Variants in MUSK observed in about 807,000 individuals in gnomAD.
The protein encoded by MUSK is muscle associated receptor tyrosine kinase.
MUSK carries 55 observed loss-of-function variants against 88.7 expected under a neutral mutation model. That is an observed-to-expected ratio of 0.62 (90% CI 0.50 to 0.78). MUSK has a LOEUF of 0.78. Ranked by LOEUF, MUSK falls within the 30% of genes least tolerant of loss-of-function variation. The probability of loss-of-function intolerance (pLI) is 0.00; values close to 1 mark genes in which losing one functional copy is unlikely to be tolerated. For synonymous variants in MUSK, 387 were observed against 391.9 expected (o/e 0.99, Z 0.15); for missense variants, 1,015 against 1,074.3 (o/e 0.94, Z 0.77).
intron 5 of MUSK, among the ~76,000 whole-genome samples, chr9:110,725,172 T>C (rs1019369336): frequency 6.6e-6 from 1 of 152,042 alleles, no homozygotes; most frequent in Non-Finnish European, 1.5e-5. Context: ...CCAAACATTG[T>C]ATGTTTTCAT....
chr9:110,770,668 C>G (rs2077560382), intron 9 of MUSK, among the ~76,000 whole-genome samples: 1 of 151,108 alleles, frequency 6.6e-6, no homozygotes, highest in Admixed American at 6.6e-5. Flanking sequence ...TGAGTATTCT[C>G]ATTTAGGAGT....
intron 2 of MUSK, among the ~76,000 whole-genome samples, chr9:110,683,070 T>A (rs1377848256): frequency 7.0e-6 from 1 of 142,796 alleles, no homozygotes; most frequent in African/African-American, 2.9e-5. Flanking sequence ...AGTAGGACTT[T>A]TTCATTCTTT....
intron 3 of MUSK, among the ~76,000 whole-genome samples, chr9:110,688,908 T>TTTG (rs2076235702): frequency 1.4e-5 from 2 of 147,496 alleles, no homozygotes; most frequent in South Asian, 4.2e-4. Flanking sequence ...TTATTGTTTT[T>TTTG]TTGTTATATA....
chr9:110,689,004 A>G (rs1157298932), intron 3 of MUSK, among the ~76,000 whole-genome samples: 1 of 143,968 alleles, frequency 6.9e-6, no homozygotes, highest in Non-Finnish European at 1.5e-5. Flanking sequence ...ACTTAAATAT[A>G]TAAAAACATA....
intron 13 of MUSK, 106 bp from the exon 14 acceptor site, chr9:110,787,584 C>G (rs895833529): frequency 1.7e-6 from 2 of 1,159,240 alleles, no homozygotes; most frequent in Admixed American, 5.7e-5. Context: ...GAGACTTAAC[C>G]AGCCTTTTAC....
At chr9:110,768,870 T>C (rs1039959240) in intron 9 of MUSK, among the ~76,000 whole-genome samples, 2 of 152,336 alleles carry the variant, frequency 1.3e-5, no homozygotes, top group South Asian at 2.1e-4. Flanking sequence ...AGATTATAAA[T>C]AGATATTTTG....
At chr9:110,711,298 G>A (rs1420720223) in intron 5 of MUSK, among the ~76,000 whole-genome samples, 1 of 152,142 alleles carries the variant, frequency 6.6e-6, no homozygotes, top group Admixed American at 6.5e-5. Flanking sequence ...TGTGAACAAT[G>A]GCTGCAGAGG....
At chr9:110,675,562 C>CTTTTTTTTTT (rs10607243) in intron 1 of MUSK, among the ~76,000 whole-genome samples, 1 of 61,614 alleles carries the variant, frequency 1.6e-5, no homozygotes, top group Non-Finnish European at 2.8e-5. Context: ...ATAGTCTTCC[C>CTTTTTTTTTT]TTTTTTTTTT....
At position 110,798,314 on chromosome 9, in the gene MUSK, TC is replaced by T. The variant is rs1255841913; in HGVS notation, c.1928-1989del. ...ACATGTTCGTATCTTAAAAATTGTTTCCCTTTTATTGAAATCCTAGTGGATA... is the reference window on the plus strand; with the variant it reads ...ACATGTTCGTATCTTAAAAATTGTTTCCTTTTATTGAAATCCTAGTGGATA... On this transcript the variant is annotated intron_variant, in intron 14 of 14. Coordinates refer to ENST00000374448, the MANE Select transcript of MUSK (RefSeq NM_005592.4). 2.0e-5 allele frequency among the ~76,000 whole-genome samples: 3 copies of T among 152,226 alleles called. No individual in the cohort carries two copies. The South Asian group carries it at 6.2e-4, about 31-fold the overall frequency.
chr9:110,805,907 G>T lies in MUSK; in HGVS notation c.*4919G>T, dbSNP rs1378418645. ...GAGTTTTGTATTGGCATTAGCATTT[G>T]TATTAGCATTGTATTAGGAAAAACT... On this transcript the variant is annotated 3_prime_UTR_variant, in exon 15 of 15. Transcript: ENST00000374448. Among the ~76,000 whole-genome samples the T allele has an allele frequency of 6.6e-6, 1 of 151,738 alleles. No individual in the cohort carries two copies. The highest frequency in any genetic ancestry group is 1.5e-5 in the Non-Finnish European group (1 of 67,846).
chr9:110,687,108 G>T lies in MUSK; in HGVS notation c.207-9G>T. ...GCACTAATCTGTCATTTTTTTCTGT[G>T]ACCTGCAGACTCTTTGACACCCGGT... On this transcript the variant is annotated splice_polypyrimidine_tract_variant and intron_variant, in intron 2 of 14. Coordinates refer to ENST00000374448, the MANE Select transcript of MUSK (RefSeq NM_005592.4). 1 of 1,603,506 alleles carries T rather than the reference G, an allele frequency of 6.2e-7. No homozygotes were observed. Among genetic ancestry groups the T allele is most frequent in the South Asian group, 1.1e-5 (1 of 89,382 alleles).
chr9:110,701,652 ATT>A (rs34680244), intron 5 of MUSK, among the ~76,000 whole-genome samples: 2,707 of 10,776 alleles, frequency 0.25, 1,132 homozygotes, highest in African/African-American at 0.72. Context: ...GTGCTCAGCT[ATT>A]TATTTTATTT....
chr9:110,775,985 A>G, intron 10 of MUSK, 22 bp downstream of exon 10: 1 of 1,569,552 alleles, frequency 6.4e-7, no homozygotes, highest in Non-Finnish European at 8.6e-7. Flanking sequence ...TTCTCCCAAG[A>G]CTTTGGAGGT....
chr9:110,745,251 A>T (rs1317211934), intron 6 of MUSK, among the ~76,000 whole-genome samples: 2 of 152,146 alleles, frequency 1.3e-5, no homozygotes, highest in Admixed American at 1.3e-4. Context: ...CCTACTAAGG[A>T]TGTTTTCAGT....
rs2076104985 is a variant in MUSK at position 110,681,016 on chromosome 9, TATA to T, written c.80-1657_80-1655del. 8.5e-5 allele frequency among the ~76,000 whole-genome samples: 2 copies of T among 23,474 alleles called. 1 individual carries two copies. The highest frequency in any genetic ancestry group is 1.4e-4 in the Non-Finnish European group (2 of 14,158). 15.4% of individuals were successfully genotyped at this position (23,474 alleles called of 152,430 possible). A position where few individuals can be genotyped will look rare whatever the true frequency, so the allele number is the denominator to read the frequency against. On this transcript the variant is annotated intron_variant, in intron 1 of 14. Coordinates refer to ENST00000374448, the MANE Select transcript of MUSK (RefSeq NM_005592.4). ...TTATAATATATTATATTATATATAA[TATA>T]TATTATATATTATATATTATATAAT... is the stretch of plus-strand genomic sequence containing the variant.
intron 9 of MUSK, among the ~76,000 whole-genome samples, chr9:110,768,891 AT>A (rs1183741531): frequency 6.6e-6 from 1 of 152,190 alleles, no homozygotes; most frequent in Non-Finnish European, 1.5e-5. Context: ...TTAAACTCCC[AT>A]ACTTTTTAAA....
intron 7 of MUSK, among the ~76,000 whole-genome samples, chr9:110,755,976 A>ACG (rs879594834): frequency 0.036 from 3,182 of 88,422 alleles, 116 homozygotes; most frequent in Non-Finnish European, 0.048. Flanking sequence ...ATATATATAT[A>ACG]TACATATATA....
intron 5 of MUSK, among the ~76,000 whole-genome samples, chr9:110,725,991 T>C (rs1210577291): frequency 6.6e-6 from 1 of 152,006 alleles, no homozygotes; most frequent in Non-Finnish European, 1.5e-5. Context: ...AAAAAAGTCA[T>C]ACAGCGAATA....
intron 11 of MUSK, among the ~76,000 whole-genome samples, chr9:110,783,083 G>C (rs1230157543): frequency 6.6e-6 from 1 of 151,998 alleles, no homozygotes; most frequent in Non-Finnish European, 1.5e-5. Flanking sequence ...AAATGCTTTA[G>C]GCATCTACTG....
Sources: allele counts gnomAD v4.1 joint callset (sites outside exome capture counted in the v4.1 genomes callset), GRCh38; gene constraint gnomAD v4.1.1; transcripts MANE v1.5; gene names NCBI Gene and HGNC (gene_info 2026-07-23, HGNC 2026-07-21).